TCN1: variants seen among roughly 807,000 people sequenced by gnomAD.
The protein encoded by TCN1 is transcobalamin 1, also known as transcobalamin-1.
Under a neutral mutation model 46.3 loss-of-function variants are expected in TCN1, and 47 were observed. The ratio of observed to expected loss-of-function variants is 1.01; its 90% CI spans 0.80 to 1.29. The LOEUF is 1.29. TCN1 is among the 50% of genes most tolerant of loss of function. TCN1 has a pLI of 0.00. For synonymous variants in TCN1, 183 were observed against 192.5 expected (o/e 0.95, Z 0.41); for missense variants, 532 against 511.0 (o/e 1.04, Z -0.40).
intron 4 of TCN1, among the ~76,000 whole-genome samples, chr11:59,860,544 G>A (rs959457324): frequency 5.9e-5 from 9 of 151,746 alleles, no homozygotes; most frequent in Non-Finnish European, 8.8e-5. Flanking sequence ...TTACATCTTG[G>A]TTGCTCTCAT....
At position 59,854,775 on chromosome 11, in the gene TCN1, T is replaced by G. The variant is rs764450033; in HGVS notation, c.998A>C (p.Tyr333Ser). The G allele has an allele frequency of 1.9e-5, 31 of 1,613,938 alleles. No individual in the cohort carries two copies. Among genetic ancestry groups the G allele is most frequent in the Non-Finnish European group, 2.6e-5 (31 of 1,179,946 alleles). Residue 333 changes from tyrosine (Y) to serine (S), a missense_variant, in exon 7 of 9, where the codon TAT becomes TCT. Tyr to Ser is a moderately radical substitution (Grantham distance 144, BLOSUM62 -2). Coordinates refer to ENST00000257264, the MANE Select transcript of TCN1 (RefSeq NM_001062.4). ...ITVTPPDSQSYISVNYSVRIN... is the reference protein window; with the variant it reads ...ITVTPPDSQSSISVNYSVRIN... ...TCTCACAGAGTAATTGACGGAGATA[T>G]ATGATTGTGAGTCAGGAGGTGTCAC...
chr11:59,853,276 A>G lies in TCN1; in HGVS notation c.1167T>C (p.Ile389=), dbSNP rs777848484. ...CATTATTGTTGGCACATAGGCCCTG[A>G]ATACAGGTGATATAGGGCCCCCATG... ...ERSWGPYITC[I]QGLCANNNDR... is the part of the protein sequence containing the mutation. Residue 389 remains isoleucine, a synonymous_variant, in exon 8 of 9, where the codon ATT becomes ATC. Coordinates refer to ENST00000257264, the MANE Select transcript of TCN1 (RefSeq NM_001062.4). 19 of 1,614,086 alleles carry G rather than the reference A, an allele frequency of 1.2e-5. No individual in the cohort carries two copies. In the East Asian group the frequency reaches 4.0e-4, roughly 34 times the overall value.
intron 1 of TCN1, among the ~76,000 whole-genome samples, 163 bp from the exon 2 acceptor site, chr11:59,864,249 C>A (rs1853048850): frequency 6.6e-6 from 1 of 152,120 alleles, no homozygotes; most frequent in South Asian, 2.1e-4. Context: ...GGGTCTTGAA[C>A]CCACCCCCAT....
intron 1 of TCN1, among the ~76,000 whole-genome samples, chr11:59,864,478 G>A (rs908287649): frequency 2.0e-5 from 3 of 152,076 alleles, no homozygotes; most frequent in Admixed American, 2.0e-4. Context: ...TCAGTAAGCA[G>A]GACTTTCTAC....
intron 5 of TCN1, among the ~76,000 whole-genome samples, chr11:59,858,685 CTGGCTGGGCGCAG>C (rs368316315): frequency 6.6e-6 from 1 of 152,226 alleles, no homozygotes; most frequent in African/African-American, 2.4e-5. Context: ...GAAAAAGATA[CTGGCTGGGCGCAG>C]TGGCCCACAC....
At chr11:59,859,359 T>G in intron 4 of TCN1, 92 bp from the exon 5 acceptor site, 2 of 1,393,348 alleles carry the variant, frequency 1.4e-6, no homozygotes, top group African/African-American at 2.8e-5. Context: ...CTTTCAGTGC[T>G]AAAAGAAAAA....
intron 4 of TCN1, among the ~76,000 whole-genome samples, 167 bp downstream of exon 4, chr11:59,861,360 T>C (rs1853012355): frequency 6.6e-6 from 1 of 152,186 alleles, no homozygotes; most frequent in South Asian, 2.1e-4. Context: ...GAAGCTTAAA[T>C]GCCATCCATC....
Position 59,861,646 on chromosome 11 carries a change from T to C in TCN1, c.437A>G (p.Gln146Arg). Reference protein sequence around the residue: ...HNGTPLTNYYQLSLDVLALCL... With the variant: ...HNGTPLTNYYRLSLDVLALCL... Reference sequence around the variant, plus strand: ...CAAGGCCAAAACGTCCAGGCTGAGCTGGTAGTAGTTAGTCAGGGGAGTGCC... The same window carrying C: ...CAAGGCCAAAACGTCCAGGCTGAGCCGGTAGTAGTTAGTCAGGGGAGTGCC... The change falls in exon 4 of 9, where the codon CAG becomes CGG. Residue 146 changes from glutamine to arginine, a missense_variant. Coordinates refer to ENST00000257264, the MANE Select transcript of TCN1 (RefSeq NM_001062.4). 6.2e-7 allele frequency: 1 copy of C among 1,614,158 alleles called. No homozygotes were observed. Among genetic ancestry groups the C allele is most frequent in the Non-Finnish European group, 8.5e-7 (1 of 1,179,996 alleles).
rs911610472 is a variant in TCN1 at position 59,852,898 on chromosome 11, A to C, written c.*77T>G. ...CTCCTGCTCGTACTGGGATAAATGA[A>C]GAAGAAGGCATAAGGACAATAAACA... On this transcript the variant is annotated 3_prime_UTR_variant, in exon 9 of 9. Transcript: ENST00000257264. 2.3e-6 allele frequency: 3 copies of C among 1,304,124 alleles called. No homozygotes were observed. The African/African-American group carries it at 4.4e-5, about 19-fold the overall frequency. 80.8% of individuals were successfully genotyped at this position (1,304,124 alleles called of 1,614,324 possible). A position where few individuals can be genotyped will look rare whatever the true frequency, so the allele number is the denominator to read the frequency against.
Position 59,853,036 on chromosome 11 carries a change from C to T in TCN1, c.1241G>A (p.Gly414Glu). The T allele has an allele frequency of 6.2e-7, 1 of 1,614,118 alleles. No individual in the cohort carries two copies. The highest frequency in any genetic ancestry group is 1.1e-5 in the South Asian group (1 of 91,084). Reference protein sequence around the residue: ...LLSGGEPLSQGAGSYVVRNGE... With the variant: ...LLSGGEPLSQEAGSYVVRNGE... Reference sequence around the variant, plus strand: ...ATTGCGGACAACGTAACTACCAGCTCCTGAAAAGGAAGAAGAAAGAGAACT... The same window carrying T: ...ATTGCGGACAACGTAACTACCAGCTTCTGAAAAGGAAGAAGAAAGAGAACT... The change falls in exon 9 of 9, where the codon GGA (glycine) becomes GAA (glutamate). Residue 414 changes from glycine (G) to glutamate (E), a missense_variant and splice_region_variant. Gly to Glu is a moderately conservative substitution (Grantham distance 98). Transcript: ENST00000257264.
intron 1 of TCN1, 65 bp downstream of exon 1, chr11:59,866,327 G>A: frequency 6.6e-7 from 1 of 1,509,528 alleles, no homozygotes; most frequent in Non-Finnish European, 9.2e-7. Flanking sequence ...TCTACATAGA[G>A]TCTCTTGTCA....
chr11:59,865,432 A>T (rs1853062822), intron 1 of TCN1, among the ~76,000 whole-genome samples: 1 of 152,196 alleles, frequency 6.6e-6, no homozygotes, highest in Non-Finnish European at 1.5e-5. Flanking sequence ...TATTCTTAGG[A>T]TCCAACAGGG....
Position 59,864,218 on chromosome 11 carries a change from T to A in TCN1, c.80-132A>T, listed in dbSNP as rs1853048230. 4 of 1,024,502 alleles carry A rather than the reference T, an allele frequency of 3.9e-6. No individual in the cohort carries two copies. In the East Asian group the frequency reaches 9.9e-5, roughly 25 times the overall value. The allele number at this position is 1,024,502 out of a possible 1,614,324, so 63.5% of individuals were successfully genotyped here. A position where few individuals can be genotyped will look rare whatever the true frequency, so the allele number is the denominator to read the frequency against. ...ACCAATCCAGTGGCTGCAGACTGTG[T>A]TGGTGGAATAATACAAAGGTGGGTC... On this transcript the variant is annotated intron_variant, in intron 1 of 8. Coordinates refer to ENST00000257264, the MANE Select transcript of TCN1 (RefSeq NM_001062.4).
At chr11:59,855,419 G>T (rs1156549868) in intron 6 of TCN1, among the ~76,000 whole-genome samples, 1 of 152,118 alleles carries the variant, frequency 6.6e-6, no homozygotes, top group Non-Finnish European at 1.5e-5. Flanking sequence ...CTACCTGGTT[G>T]CAAGGTCATT....
At chr11:59,853,911 GTGT>G (rs1866694596) in intron 7 of TCN1, among the ~76,000 whole-genome samples, 1 of 151,742 alleles carries the variant, frequency 6.6e-6, no homozygotes, top group African/African-American at 2.4e-5. Flanking sequence ...ATCCTACACT[GTGT>G]TGTTAGATAT....
chr11:59,852,973 T>G lies in TCN1; in HGVS notation c.*2A>C. ...TATGCAGCTGAGGAAAGTTTGGGCT[T>G]ATTAGTATTTGCTCCAGCGAACCTC... On this transcript the variant is annotated 3_prime_UTR_variant, in exon 9 of 9. Coordinates refer to ENST00000257264, the MANE Select transcript of TCN1 (RefSeq NM_001062.4). The G allele has an allele frequency of 6.2e-7, 1 of 1,614,070 alleles. No individual in the cohort carries two copies. The highest frequency in any genetic ancestry group is 2.2e-5 in the East Asian group (1 of 44,864).
In TCN1 at chr11:59,854,643, C is replaced by T. The variant is rs370054474; in HGVS notation, c.1121+9G>A. On this transcript the variant is annotated intron_variant, in intron 7 of 8. Coordinates refer to ENST00000257264, the MANE Select transcript of TCN1 (RefSeq NM_001062.4). ...AAACATCTTAACCTTAGGTTAGGTA[C>T]AGACCTACCCAAATATAGTATCATT... 250 of 1,612,836 alleles carry T rather than the reference C, an allele frequency of 1.6e-4. No individual in the cohort carries two copies. The highest frequency in any genetic ancestry group is 2.0e-4 in the Non-Finnish European group (231 of 1,179,180).
At position 59,853,209 on chromosome 11, in the gene TCN1, T is replaced by A; in HGVS notation, c.1234A>T (p.Ser412Cys). Residue 412 changes from serine to cysteine, a missense_variant, in exon 8 of 9, where the codon AGC becomes TGC. Coordinates refer to ENST00000257264, the MANE Select transcript of TCN1 (RefSeq NM_001062.4). ...WELLSGGEPL[S>C]QGAGSYVVRN... ...TGGCATGTCTCTCCCTTACCTTGGC[T>A]CAGTGGTTCGCCTCCACTCAGAAGT... 1 of 1,614,182 alleles carries A rather than the reference T, an allele frequency of 6.2e-7. No homozygotes were observed. Among genetic ancestry groups the A allele is most frequent in the Non-Finnish European group, 8.5e-7 (1 of 1,180,012 alleles).
intron 1 of TCN1, among the ~76,000 whole-genome samples, chr11:59,865,594 A>G (rs1216702954): frequency 3.9e-5 from 6 of 152,098 alleles, no homozygotes; most frequent in South Asian, 4.1e-4. Context: ...TTGAAGCTCA[A>G]TTTCAGAGTA....
Sources: gnomAD v4.1 joint callset for allele counts (sites outside exome capture counted in the v4.1 genomes callset) on GRCh38, gnomAD v4.1.1 for gene constraint, MANE v1.5 for transcripts, NCBI Gene and HGNC (gene_info 2026-07-23, HGNC 2026-07-21) for gene names.